The following CNTN4 variants were observed in gnomAD, a reference collection of about 807,000 sequenced individuals.
CNTN4 encodes the protein contactin 4.
A neutral mutation model predicts 122.5 loss-of-function variants in CNTN4; 77 were observed. The ratio of observed to expected loss-of-function variants is 0.63; its 90% CI spans 0.52 to 0.76. The LOEUF (loss-of-function observed/expected upper bound fraction) is 0.76, where lower values mean the gene tolerates loss of function less well. Ranked by LOEUF, CNTN4 falls within the 30% of genes least tolerant of loss-of-function variation. The pLI, the probability that CNTN4 is intolerant of heterozygous loss-of-function variation, is 0.00. For synonymous variants in CNTN4, 512 were observed against 447.0 expected (o/e 1.15, Z -1.83); for missense variants, 1,256 against 1,259.1 (o/e 1.00, Z 0.04).
chr3:2,656,362 A>T (rs888960179), intron 4 of CNTN4, among the ~76,000 whole-genome samples: 1 of 152,252 alleles, frequency 6.6e-6, no homozygotes, highest in Non-Finnish European at 1.5e-5. Flanking sequence ...TTATGTTTAT[A>T]ATCCCAGATT....
At chr3:2,514,419 G>T (rs1003562905) in intron 3 of CNTN4, among the ~76,000 whole-genome samples, 9 of 151,908 alleles carry the variant, frequency 5.9e-5, no homozygotes, top group African/African-American at 1.9e-4. Context: ...GGGAGGATAG[G>T]TCGAGCCTAG....
intron 7 of CNTN4, among the ~76,000 whole-genome samples, chr3:2,822,608 A>C (rs764978277): frequency 1.3e-5 from 2 of 152,244 alleles, no homozygotes; most frequent in Non-Finnish European, 2.9e-5. Flanking sequence ...AGTTTTCATC[A>C]CATGGCAGCA....
intron 3 of CNTN4, among the ~76,000 whole-genome samples, chr3:2,358,323 A>G (rs1169816934): frequency 6.6e-6 from 1 of 152,142 alleles, no homozygotes; most frequent in Non-Finnish European, 1.5e-5. Context: ...GCAGGATAAT[A>G]TGGATGAAAT....
intron 13 of CNTN4, among the ~76,000 whole-genome samples, chr3:2,969,848 G>T (rs1405220580): frequency 6.6e-6 from 1 of 152,118 alleles, no homozygotes; most frequent in African/African-American, 2.4e-5. Context: ...GGCCACATGG[G>T]AGCATGATGG....
chr3:2,652,205 G>T (rs545392874), intron 4 of CNTN4, among the ~76,000 whole-genome samples: 2 of 152,152 alleles, frequency 1.3e-5, no homozygotes, highest in African/African-American at 4.8e-5. Context: ...CTGGGCAACA[G>T]AGCAAGACCC....
intron 6 of CNTN4, among the ~76,000 whole-genome samples, chr3:2,768,052 G>A (rs1319655755): frequency 6.6e-6 from 1 of 152,196 alleles, no homozygotes; most frequent in African/African-American, 2.4e-5. Context: ...TAGGTAAAAT[G>A]GTCAGAGTGG....
chr3:2,643,866 C>T (rs770590656), intron 4 of CNTN4, among the ~76,000 whole-genome samples: 1 of 152,162 alleles, frequency 6.6e-6, no homozygotes, highest in Non-Finnish European at 1.5e-5. Flanking sequence ...CAGAGCTATG[C>T]TTCATAGCTT....
At chr3:2,540,628 C>T (rs1487036384) in intron 3 of CNTN4, among the ~76,000 whole-genome samples, 1 of 151,968 alleles carries the variant, frequency 6.6e-6, no homozygotes, top group Non-Finnish European at 1.5e-5. Flanking sequence ...TATGTTCATA[C>T]ACAATATACA....
At chr3:2,782,956 T>C (rs1220052819) in intron 6 of CNTN4, among the ~76,000 whole-genome samples, 1 of 152,138 alleles carries the variant, frequency 6.6e-6, no homozygotes, top group Non-Finnish European at 1.5e-5. Context: ...TCAGGGATCC[T>C]AGAGAATACT....
intron 4 of CNTN4, among the ~76,000 whole-genome samples, chr3:2,591,111 G>C (rs1159412030): frequency 6.6e-6 from 1 of 152,130 alleles, no homozygotes; most frequent in Non-Finnish European, 1.5e-5. Context: ...TTTCATCTCA[G>C]TTTGTAGTAA....
intron 2 of CNTN4, among the ~76,000 whole-genome samples, chr3:2,232,679 A>G (rs2039532617): frequency 6.6e-6 from 1 of 152,214 alleles, no homozygotes; most frequent in South Asian, 2.1e-4. Flanking sequence ...CTATTACCCC[A>G]GGCATTTATC....
At chr3:2,458,924 C>T (rs1284810688) in intron 3 of CNTN4, among the ~76,000 whole-genome samples, 1 of 152,138 alleles carries the variant, frequency 6.6e-6, no homozygotes, top group Non-Finnish European at 1.5e-5. Context: ...TTCGTCTGTA[C>T]ATTAGACTGT....
intron 4 of CNTN4, among the ~76,000 whole-genome samples, chr3:2,701,331 T>C (rs943563832): frequency 6.6e-5 from 10 of 152,118 alleles, no homozygotes; most frequent in African/African-American, 2.4e-4. Flanking sequence ...ATGAATTAGA[T>C]ACAGATGGTA....
chr3:2,484,786 T>G (rs1439758614), intron 3 of CNTN4, among the ~76,000 whole-genome samples: 1 of 152,196 alleles, frequency 6.6e-6, no homozygotes, highest in East Asian at 1.9e-4. Context: ...TCTCCGCACC[T>G]CCTCAGCCTC....
chr3:2,658,780 C>T (rs572069405), intron 4 of CNTN4, among the ~76,000 whole-genome samples: 2 of 152,158 alleles, frequency 1.3e-5, no homozygotes, highest in African/African-American at 2.4e-5. Flanking sequence ...CTTGCCCAGG[C>T]CTGATTTACT....
Position 2,502,285 on chromosome 3 carries a change from T to C in CNTN4, c.-88-69131T>C, listed in dbSNP as rs181782341. Reference sequence around the variant, plus strand: ...ACTTCATGTGCTAAGGGTGGAGTTTTACTATCCACGTGTCTCATGGTGCAT... The same window carrying C: ...ACTTCATGTGCTAAGGGTGGAGTTTCACTATCCACGTGTCTCATGGTGCAT... On this transcript the variant is annotated intron_variant, in intron 3 of 24. Transcript: ENST00000418658. Among the ~76,000 whole-genome samples, 124 of 152,306 alleles carry C rather than the reference T, an allele frequency of 8.1e-4. 1 individual carries two copies. The highest frequency in any genetic ancestry group is 2.8e-4 in the Non-Finnish European group (19 of 68,022).
chr3:2,554,265 T>G (rs2149381340), intron 3 of CNTN4, among the ~76,000 whole-genome samples: 1 of 152,324 alleles, frequency 6.6e-6, no homozygotes, highest in East Asian at 1.9e-4. Context: ...GACTTCCTTT[T>G]GGTAAATGTG....
intron 2 of CNTN4, among the ~76,000 whole-genome samples, chr3:2,327,759 T>G (rs756073956): frequency 6.6e-6 from 1 of 152,192 alleles, no homozygotes; most frequent in Non-Finnish European, 1.5e-5. Flanking sequence ...AAGCAGGGAC[T>G]ATATTTGGAA....
chr3:2,173,929 C>T (rs1416241644), intron 2 of CNTN4, among the ~76,000 whole-genome samples: 1 of 152,022 alleles, frequency 6.6e-6, no homozygotes, highest in East Asian at 1.9e-4. Context: ...GCTGTTGTTG[C>T]TATTATCGTT....
Sources: allele counts gnomAD v4.1 joint callset (sites outside exome capture counted in the v4.1 genomes callset), GRCh38; gene constraint gnomAD v4.1.1; transcripts MANE v1.5; gene names NCBI Gene and HGNC (gene_info 2026-07-23, HGNC 2026-07-21).